Variants in C12orf60 observed in about 807,000 individuals in gnomAD.
C12orf60 encodes uncharacterized protein C12orf60.
For missense variants in C12orf60, 284 were observed against 283.2 expected, an observed-to-expected ratio of 1.00 and a Z score of -0.02; for synonymous variants, 102 against 94.6, an observed-to-expected ratio of 1.08 and a Z score of -0.45.
chr12:14,805,041 C>A (rs1175409294), intron 1 of C12orf60: 3 of 152,204 alleles, frequency 2.0e-5, no homozygotes, highest in Non-Finnish European at 2.9e-5. Context: ...GCTTCCATAG[C>A]CTTTGGCGTT....
At position 14,823,636 on chromosome 12, in the gene C12orf60, T is replaced by G. The variant is rs1456219347; in HGVS notation, c.701T>G (p.Met234Arg). 6.3e-7 allele frequency: 1 copy of G among 1,584,628 alleles called. No homozygotes were observed. Among genetic ancestry groups the G allele is most frequent in the African/African-American group, 1.4e-5 (1 of 73,230 alleles). The change falls in exon 2 of 2, where the codon ATG becomes AGG. Residue 234 changes from methionine (M) to arginine (R), a missense_variant. Transcript: ENST00000330828. The stretch of plus-strand genomic sequence containing the variant: ...CAAAAAGCGATAAAGACTATGGAAA[T>G]GAATATTTCTGTGTTTAAGAAAGCC... ...ILQKAIKTME[M>R]NISVFKKASD...
chr12:14,807,423 C>T (rs975683506), intron 1 of C12orf60, among the ~76,000 whole-genome samples: 6 of 152,186 alleles, frequency 3.9e-5, no homozygotes, highest in African/African-American at 1.4e-4. Context: ...ACCTACCAGA[C>T]TGATTTCTCT....
At chr12:14,811,118 T>C (rs1325487596) in intron 1 of C12orf60, among the ~76,000 whole-genome samples, 2 of 152,242 alleles carry the variant, frequency 1.3e-5, no homozygotes, top group African/African-American at 2.4e-5. Flanking sequence ...GTTTGAACTT[T>C]TACATAATTT....
Position 14,806,358 on chromosome 12 carries a change from T to A in C12orf60, c.-25+2607T>A, listed in dbSNP as rs139378466. On this transcript the variant is annotated intron_variant, in intron 1 of 1. Coordinates refer to ENST00000330828, the MANE Select transcript of C12orf60 (RefSeq NM_175874.4). ...AACCTTTTGCACTATTGCAATTTTGTCTGTTTCCTTTTCCTTAATATCCTG... is the reference window on the plus strand; with the variant it reads ...AACCTTTTGCACTATTGCAATTTTGACTGTTTCCTTTTCCTTAATATCCTG... The A allele has an allele frequency of 2.4e-3, 3,927 of 1,614,228 alleles. 12 individuals are homozygous for A. Among genetic ancestry groups the A allele is most frequent in the Middle Eastern group, 2.8e-3 (17 of 6,062 alleles).
chr12:14,809,134 A>G (rs1348696286), intron 1 of C12orf60, among the ~76,000 whole-genome samples: 2 of 152,190 alleles, frequency 1.3e-5, no homozygotes, highest in Non-Finnish European at 2.9e-5. Context: ...AAAAAGTTCA[A>G]AATATCTCTA....
At chr12:14,814,168 G>A (rs750875532) in intron 1 of C12orf60, 1 of 152,130 alleles carries the variant, frequency 6.6e-6, no homozygotes, top group African/African-American at 2.4e-5. Context: ...AGTTGTTTAG[G>A]AGTATTGTTA....
At chr12:14,809,680 C>T (rs146985930) in intron 1 of C12orf60, among the ~76,000 whole-genome samples, 9 of 151,882 alleles carry the variant, frequency 5.9e-5, no homozygotes, top group East Asian at 1.9e-4. Context: ...TTTCAAATAT[C>T]GGTATGGAGT....
At chr12:14,818,117 C>T (rs970233079) in intron 1 of C12orf60, among the ~76,000 whole-genome samples, 10 of 152,046 alleles carry the variant, frequency 6.6e-5, no homozygotes, top group Admixed American at 1.3e-4. Flanking sequence ...ATTTGTTGGT[C>T]GTGTAAAGAT....
At chr12:14,811,372 C>G (rs1477505084) in intron 1 of C12orf60, among the ~76,000 whole-genome samples, 6 of 151,936 alleles carry the variant, frequency 3.9e-5, no homozygotes, top group Admixed American at 3.9e-4. Context: ...CTTTCTCTTG[C>G]TCTACACATT....
intron 1 of C12orf60, among the ~76,000 whole-genome samples, chr12:14,809,305 C>T (rs1390129697): frequency 1.3e-5 from 2 of 152,116 alleles, no homozygotes; most frequent in African/African-American, 4.8e-5. Context: ...ATTGTTTTAG[C>T]ACAACTTCAC....
intron 1 of C12orf60, among the ~76,000 whole-genome samples, chr12:14,809,838 A>C (rs1950108935): frequency 6.6e-6 from 1 of 152,242 alleles, no homozygotes; most frequent in Non-Finnish European, 1.5e-5. Flanking sequence ...TGACAATCTA[A>C]TATATAAATG....
At chr12:14,815,709 C>G (rs1055570228) in intron 1 of C12orf60, among the ~76,000 whole-genome samples, 16 of 152,134 alleles carry the variant, frequency 1.1e-4, no homozygotes, top group African/African-American at 3.9e-4. Context: ...AACCCCATTG[C>G]CTACAGTATG....
chr12:14,806,344 C>T, intron 1 of C12orf60: 1 of 1,614,224 alleles, frequency 6.2e-7, no homozygotes, highest in Non-Finnish European at 8.5e-7. Context: ...ACCTTTTGCA[C>T]TATTGCAATT....
chr12:14,808,698 T>C (rs1397878538), intron 1 of C12orf60, among the ~76,000 whole-genome samples: 4 of 152,232 alleles, frequency 2.6e-5, no homozygotes, highest in Non-Finnish European at 5.9e-5. Flanking sequence ...TTGTTAGATT[T>C]AGAAAAATGC....
At chr12:14,816,551 T>C (rs981847747) in intron 1 of C12orf60, among the ~76,000 whole-genome samples, 4 of 152,314 alleles carry the variant, frequency 2.6e-5, no homozygotes, top group Middle Eastern at 3.4e-3. Context: ...GTAGTGTACA[T>C]GCATTGCCTC....
chr12:14,820,252 T>C (rs1240967579), intron 1 of C12orf60, among the ~76,000 whole-genome samples: 2 of 152,046 alleles, frequency 1.3e-5, no homozygotes, highest in African/African-American at 4.8e-5. Context: ...TCTCTCCTTT[T>C]TTCTCTGGTC....
At position 14,823,506 on chromosome 12, in the gene C12orf60, C is replaced by T; in HGVS notation, c.571C>T (p.Leu191=). The change falls in exon 2 of 2, where the codon CTG becomes TTG. Residue 191 remains leucine (L), a synonymous_variant. Transcript: ENST00000330828. ...KTTMIDTLKK[L]QDVLKTEDSK... is the part of the protein sequence containing the mutation. ...CACTATGATAGACACCTTGAAAAAA[C>T]TGCAGGATGTACTAAAAACTGAGGA... is the stretch of plus-strand genomic sequence containing the variant. 6.2e-7 allele frequency: 1 copy of T among 1,613,160 alleles called. No homozygotes were observed. Among genetic ancestry groups the T allele is most frequent in the Non-Finnish European group, 8.5e-7 (1 of 1,179,786 alleles).
At chr12:14,805,957 T>C (rs1950041228) in intron 1 of C12orf60, 3 of 1,529,090 alleles carry the variant, frequency 2.0e-6, no homozygotes, top group Non-Finnish European at 2.6e-6. Flanking sequence ...ACACTGTTAC[T>C]GAAAAGGAAG....
At chr12:14,805,570 T>C (rs1157339635) in intron 1 of C12orf60, 1 of 155,998 alleles carries the variant, frequency 6.4e-6, no homozygotes, top group Non-Finnish European at 1.4e-5. Flanking sequence ...CTAGAGTTTG[T>C]GTCTAGGCAG....
Sources: allele counts gnomAD v4.1 joint callset (sites outside exome capture counted in the v4.1 genomes callset), GRCh38; gene constraint gnomAD v4.1.1; transcripts MANE v1.5; gene names NCBI Gene and HGNC (gene_info 2026-07-23, HGNC 2026-07-21).